Variants in RIMS1 observed in about 807,000 individuals in gnomAD.
RIMS1 encodes the protein regulating synaptic membrane exocytosis 1, also known as regulating synaptic membrane exocytosis protein 1.
In RIMS1, 83 loss-of-function variants were observed where a neutral mutation model predicts 214.1. That is an observed-to-expected ratio of 0.39 (90% confidence interval 0.32 to 0.47). The LOEUF (loss-of-function observed/expected upper bound fraction) is 0.47, where lower values mean the gene tolerates loss of function less well. RIMS1 is among the 20% of genes least tolerant of loss of function. RIMS1 has a pLI of 0.99. For missense variants in RIMS1, 2,050 were observed against 2,161.8 expected (o/e 0.95, Z 1.03); for synonymous variants, 793 against 786.8 (o/e 1.01, Z -0.13).
At chr6:72,351,855 A>T (rs566079335) in intron 29 of RIMS1, among the ~76,000 whole-genome samples, 1 of 152,318 alleles carries the variant, frequency 6.6e-6, no homozygotes, top group Non-Finnish European at 1.5e-5. Flanking sequence ...TAACATGTAT[A>T]TCTATATAAT....
intron 1 of RIMS1, among the ~76,000 whole-genome samples, chr6:71,943,045 G>A (rs1010351724): frequency 2.0e-4 from 30 of 152,094 alleles, no homozygotes; most frequent in African/African-American, 4.1e-4. Flanking sequence ...TCAAGATACC[G>A]TCCAGTTTAT....
chr6:72,082,669 T>A (rs903248362), intron 2 of RIMS1, among the ~76,000 whole-genome samples: 2 of 152,178 alleles, frequency 1.3e-5, no homozygotes, highest in Admixed American at 1.3e-4. Flanking sequence ...ACTTTCCTTC[T>A]ACACTCAGAG....
intron 18 of RIMS1, 78 bp downstream of exon 18, chr6:72,259,189 C>A: frequency 8.4e-7 from 1 of 1,194,850 alleles, no homozygotes; most frequent in South Asian, 1.6e-5. Flanking sequence ...TGGCATAGCA[C>A]ATTAGAGAGT....
At chr6:72,230,957 T>C (rs1341993021) in intron 6 of RIMS1, among the ~76,000 whole-genome samples, 3 of 151,580 alleles carry the variant, frequency 2.0e-5, no homozygotes, top group Non-Finnish European at 3.0e-5. Flanking sequence ...GGACGTTTTA[T>C]TGACTGTGAG....
intron 2 of RIMS1, among the ~76,000 whole-genome samples, chr6:72,079,941 T>TA (rs141947398): frequency 0.13 from 19,690 of 150,700 alleles, 1,430 homozygotes; most frequent in South Asian, 0.18. Flanking sequence ...ATCGTTTTTT[T>TA]AAAAAACAAA....
chr6:72,359,400 T>C (rs7745034), intron 29 of RIMS1, among the ~76,000 whole-genome samples: 34,327 of 152,024 alleles, frequency 0.23, 4,152 homozygotes, highest in Middle Eastern at 0.28. Flanking sequence ...AGTCAAACAT[T>C]GGTTATTAGG....
At chr6:72,294,179 C>G (rs2093784761) in intron 26 of RIMS1, among the ~76,000 whole-genome samples, 1 of 151,754 alleles carries the variant, frequency 6.6e-6, no homozygotes, top group East Asian at 1.9e-4. Flanking sequence ...GTCCACATGA[C>G]AGCTTTGTTT....
intron 28 of RIMS1, among the ~76,000 whole-genome samples, chr6:72,331,390 G>A (rs1032542587): frequency 2.0e-5 from 3 of 151,772 alleles, no homozygotes; most frequent in African/African-American, 7.2e-5. Flanking sequence ...TAACCATTGT[G>A]GAGAGTGGGC....
intron 4 of RIMS1, among the ~76,000 whole-genome samples, chr6:72,117,214 T>A (rs1587402207): frequency 6.6e-6 from 1 of 152,104 alleles, no homozygotes; most frequent in South Asian, 2.1e-4. Context: ...CATTTCTTTC[T>A]CTTAGTTCCT....
Position 72,400,696 on chromosome 6 carries a change from T to TC in RIMS1, c.5064dup (p.Cys1689LeufsTer24). The stretch of plus-strand genomic sequence containing the variant: ...CATCTCTGGAAAGTTCAACTGGGCC[T>TC]CCCTGTATTCGATCATAGTGAACTC... On this transcript the variant is annotated frameshift_variant, in exon 34 of 34. Coordinates refer to ENST00000521978, the MANE Select transcript of RIMS1 (RefSeq NM_014989.7). LOFTEE classifies it high-confidence loss of function. 6.2e-7 allele frequency: 1 copy of TC among 1,612,858 alleles called. No individual in the cohort carries two copies. The highest frequency in any genetic ancestry group is 8.5e-7 in the Non-Finnish European group (1 of 1,179,026).
chr6:72,396,820 C>G (rs190121735), intron 31 of RIMS1, among the ~76,000 whole-genome samples: 1 of 152,112 alleles, frequency 6.6e-6, no homozygotes, highest in African/African-American at 2.4e-5. Context: ...TGAGACCAGC[C>G]TGACCAACAT....
At chr6:71,985,117 C>A (rs1029455075) in intron 2 of RIMS1, among the ~76,000 whole-genome samples, 2 of 152,152 alleles carry the variant, frequency 1.3e-5, no homozygotes, top group African/African-American at 4.8e-5. Flanking sequence ...GGCATCATGG[C>A]TCATGCTCGT....
At chr6:72,244,021 A>G (rs1433913874) in intron 10 of RIMS1, among the ~76,000 whole-genome samples, 3 of 151,032 alleles carry the variant, frequency 2.0e-5, no homozygotes, top group Non-Finnish European at 4.4e-5. Context: ...CTGGAAAGCT[A>G]TGTTTTAATA....
At chr6:72,063,911 C>T (rs1828570707) in intron 2 of RIMS1, among the ~76,000 whole-genome samples, 1 of 152,148 alleles carries the variant, frequency 6.6e-6, no homozygotes, top group African/African-American at 2.4e-5. Flanking sequence ...GCCTCATTGG[C>T]TTGTAGATCA....
chr6:72,378,659 G>A (rs989121858), intron 29 of RIMS1, among the ~76,000 whole-genome samples: 1 of 152,094 alleles, frequency 6.6e-6, no homozygotes, highest in Non-Finnish European at 1.5e-5. Context: ...GCAAAATTCT[G>A]TCTCTACTAA....
At chr6:72,225,900 G>C (rs1001098455) in intron 6 of RIMS1, among the ~76,000 whole-genome samples, 1 of 152,074 alleles carries the variant, frequency 6.6e-6, no homozygotes, top group African/African-American at 2.4e-5. Context: ...TAGATCCTGG[G>C]AGGGAAATTT....
At chr6:72,338,040 G>A (rs1005889740) in intron 29 of RIMS1, among the ~76,000 whole-genome samples, 10 of 151,562 alleles carry the variant, frequency 6.6e-5, no homozygotes, top group African/African-American at 1.7e-4. Context: ...GAATAGTGCC[G>A]CAATAAACAT....
chr6:72,354,079 GCGT>G (rs1456374607), intron 29 of RIMS1, among the ~76,000 whole-genome samples: 13 of 152,154 alleles, frequency 8.5e-5, no homozygotes, highest in Non-Finnish European at 1.6e-4. Context: ...AATTAGCCGG[GCGT>G]GGTGGCACGT....
chr6:72,249,606 A>G (rs1451352011), intron 12 of RIMS1, among the ~76,000 whole-genome samples: 1 of 152,054 alleles, frequency 6.6e-6, no homozygotes, highest in African/African-American at 2.4e-5. Flanking sequence ...CCCCGATTCC[A>G]CAAAAAATTT....
Sources: allele counts gnomAD v4.1 joint callset (sites outside exome capture counted in the v4.1 genomes callset), GRCh38; gene constraint gnomAD v4.1.1; transcripts MANE v1.5; gene names NCBI Gene and HGNC (gene_info 2026-07-23, HGNC 2026-07-21).